Variants in IQGAP1 observed in about 807,000 individuals in gnomAD.
IQGAP1 encodes ras GTPase-activating-like protein IQGAP1.
Under a neutral mutation model 215.6 loss-of-function variants are expected in IQGAP1, and 66 were observed. That is an observed-to-expected ratio of 0.31 (90% confidence interval 0.25 to 0.38). The LOEUF (loss-of-function observed/expected upper bound fraction) is 0.38. IQGAP1 is among the 10% of genes least tolerant of loss of function. The pLI is 1.00. For missense variants in IQGAP1, 1,712 were observed against 1,997.1 expected, an observed-to-expected ratio of 0.86 and a Z score of 2.72; for synonymous variants, 772 against 728.7, an observed-to-expected ratio of 1.06 and a Z score of -0.96.
At position 90,474,152 on chromosome 15, in the gene IQGAP1, A is replaced by C; in HGVS notation, c.2575+19A>C. ...ACTCTCAGTGAGTAACTGGCTCCGC[A>C]TGAAGAGTTGAGGCAGTGGCTGGGA... On this transcript the variant is annotated intron_variant, in intron 22 of 37. Coordinates refer to ENST00000268182, the MANE Select transcript of IQGAP1 (RefSeq NM_003870.4). The C allele has an allele frequency of 6.3e-7, 1 of 1,598,210 alleles. No homozygotes were observed. The highest frequency in any genetic ancestry group is 8.5e-7 in the Non-Finnish European group (1 of 1,171,718).
Position 90,454,561 on chromosome 15 carries a change from T to C in IQGAP1, c.1612+9T>C. On this transcript the variant is annotated intron_variant, in intron 14 of 37. Coordinates refer to ENST00000268182, the MANE Select transcript of IQGAP1 (RefSeq NM_003870.4). ...GCAAGAGGAACATGAGAGTGAGTTATCTTCCTGTCCTCCCCAAATAATGTC... is the reference window on the plus strand; with the variant it reads ...GCAAGAGGAACATGAGAGTGAGTTACCTTCCTGTCCTCCCCAAATAATGTC... 1.3e-6 allele frequency: 2 copies of C among 1,548,714 alleles called. No homozygotes were observed. Among genetic ancestry groups the C allele is most frequent in the Admixed American group, 2.0e-5 (1 of 49,828 alleles).
rs1415787764 is a variant in IQGAP1, at chr15:90,501,541, TTAATG to T, written c.*1434_*1438del. On this transcript the variant is annotated 3_prime_UTR_variant, in exon 38 of 38. Transcript: ENST00000268182. ...ATGTACATTAAGCCAATAAACTGCT[TTAATG>T]AATAACAAACTATGTAGTGTGTCCC... The T allele has an allele frequency of 6.6e-6, 1 of 152,228 alleles. No homozygotes were observed. The highest frequency in any genetic ancestry group is 1.5e-5 in the Non-Finnish European group (1 of 68,048). The allele number at this position is 152,228 out of a possible 1,614,324, so 9.4% of individuals were successfully genotyped here.
intron 2 of IQGAP1, among the ~76,000 whole-genome samples, chr15:90,412,362 G>C (rs1300320202): frequency 6.6e-6 from 1 of 152,044 alleles, no homozygotes; most frequent in East Asian, 1.9e-4. Flanking sequence ...ACTTTCTTTA[G>C]TGTCTCCTCA....
Position 90,482,296 on chromosome 15 carries a change from G to T in IQGAP1, c.3555+15G>T, listed in dbSNP as rs771614612. 6.2e-6 allele frequency: 10 copies of T among 1,612,676 alleles called. No homozygotes were observed. Among genetic ancestry groups the T allele is most frequent in the Non-Finnish European group, 8.5e-6 (10 of 1,178,818 alleles). On this transcript the variant is annotated intron_variant, in intron 28 of 37. Coordinates refer to ENST00000268182, the MANE Select transcript of IQGAP1 (RefSeq NM_003870.4). ...AGCTGCTGAAGGTAAGAATCTCATA[G>T]CCGGCAGACTCCTGCCCTTTGAGGA...
At position 90,389,709 on chromosome 15, in the gene IQGAP1, C is replaced by T. The variant is rs567172584; in HGVS notation, c.56-1065C>T. 9.3e-5 allele frequency among the ~76,000 whole-genome samples: 14 copies of T among 151,342 alleles called. 1 individual carries two copies. Among genetic ancestry groups the T allele is most frequent in the African/African-American group, 3.4e-4 (14 of 41,232 alleles). ...GTGACTCCTGCGTGTAATCCCAGCA[C>T]TTTGGGAGTCCGAGGTGAGAGGATA... On this transcript the variant is annotated intron_variant, in intron 1 of 37. Transcript: ENST00000268182.
At chr15:90,458,395 G>A (rs1965716218) in intron 15 of IQGAP1, among the ~76,000 whole-genome samples, 1 of 152,114 alleles carries the variant, frequency 6.6e-6, no homozygotes, top group African/African-American at 2.4e-5. Flanking sequence ...AGCTATATAA[G>A]TTGTATCTTC....
chr15:90,401,354 A>G (rs1280451310), intron 2 of IQGAP1, among the ~76,000 whole-genome samples: 2 of 152,218 alleles, frequency 1.3e-5, no homozygotes, highest in South Asian at 2.1e-4. Flanking sequence ...AAATAGTTGT[A>G]TGTTGGGAAG....
At chr15:90,463,403 A>G (rs1965788850) in intron 15 of IQGAP1, among the ~76,000 whole-genome samples, 2 of 152,168 alleles carry the variant, frequency 1.3e-5, no homozygotes, top group Admixed American at 1.3e-4. Context: ...TTCTGTGGAA[A>G]TGCTTCTGTT....
intron 3 of IQGAP1, 70 bp downstream of exon 3, chr15:90,426,336 A>G (rs1010549099): frequency 1.1e-5 from 16 of 1,515,688 alleles, no homozygotes; most frequent in Non-Finnish European, 1.4e-5. Context: ...TATTTTGTGT[A>G]AGAGTTATTG....
At chr15:90,410,802 C>A (rs1964951519) in intron 2 of IQGAP1, among the ~76,000 whole-genome samples, 1 of 148,562 alleles carries the variant, frequency 6.7e-6, no homozygotes. Flanking sequence ...ATGTAACAAA[C>A]CTGCATGTTG....
intron 2 of IQGAP1, among the ~76,000 whole-genome samples, chr15:90,402,381 G>T (rs1426041732): frequency 6.6e-6 from 1 of 152,168 alleles, no homozygotes; most frequent in Non-Finnish European, 1.5e-5. Context: ...GTATTTTTGG[G>T]GTTGTGGGAG....
chr15:90,477,573 C>G (rs1055539432), intron 25 of IQGAP1, 92 bp from the exon 26 acceptor site: 2 of 924,538 alleles, frequency 2.2e-6, no homozygotes, highest in Admixed American at 2.0e-5. Context: ...TCGAGAGAAA[C>G]TGTTTCAGGG....
chr15:90,429,828 T>C, intron 4 of IQGAP1, 162 bp downstream of exon 4: 1 of 491,380 alleles, frequency 2.0e-6, no homozygotes, highest in Non-Finnish European at 3.6e-6. Flanking sequence ...ATAGTTTTGT[T>C]CTTTTTCTTT....
intron 1 of IQGAP1, among the ~76,000 whole-genome samples, chr15:90,389,292 T>C (rs1424746745): frequency 6.6e-6 from 1 of 151,694 alleles, no homozygotes; most frequent in Non-Finnish European, 1.5e-5. Context: ...CAGAGTAATG[T>C]AGGTAAGGAG....
chr15:90,404,467 G>A (rs777786464), intron 2 of IQGAP1, among the ~76,000 whole-genome samples: 1 of 151,964 alleles, frequency 6.6e-6, no homozygotes, highest in Non-Finnish European at 1.5e-5. Context: ...GAACTTTTTC[G>A]GTAGAATCCT....
Position 90,482,089 on chromosome 15 carries a change from G to A in IQGAP1, c.3459G>A (p.Val1153=), listed in dbSNP as rs770760854. The change falls in exon 27 of 38, where the codon GTG becomes GTA. Residue 1153 remains valine, a synonymous_variant. Transcript: ENST00000268182. ...DKFLSAIVSS[V]DKIPYGMRFI... is the part of the protein sequence containing the mutation. ...TTCTCTCAGCCATTGTCAGCTCTGT[G>A]GACAAAATCCCGTGAGTGCCATCAG... The A allele has an allele frequency of 6.2e-7, 1 of 1,614,220 alleles. No homozygotes were observed. Among genetic ancestry groups the A allele is most frequent in the Non-Finnish European group, 8.5e-7 (1 of 1,180,048 alleles).
intron 33 of IQGAP1, among the ~76,000 whole-genome samples, chr15:90,488,152 C>T (rs544808589): frequency 2.6e-5 from 4 of 152,018 alleles, no homozygotes; most frequent in Non-Finnish European, 4.4e-5. Context: ...ACCCAGGAGG[C>T]GGAGCCTGCA....
At chr15:90,495,731 A>G (rs1966263514) in intron 36 of IQGAP1, among the ~76,000 whole-genome samples, 1 of 147,272 alleles carries the variant, frequency 6.8e-6, no homozygotes, top group African/African-American at 2.5e-5. Flanking sequence ...TTGGCCTCCC[A>G]GGTTCAAGCA....
chr15:90,433,781 T>C lies in IQGAP1; in HGVS notation c.453T>C (p.Cys151=). Residue 151 remains cysteine (C), a synonymous_variant, in exon 5 of 38, where the codon TGT becomes TGC. Transcript: ENST00000268182. ...DRKNMPRCIY[C]IHALSLYLFK... is the part of the protein sequence containing the mutation. The stretch of plus-strand genomic sequence containing the variant: ...AGAACATGCCAAGATGTATCTACTG[T>C]ATCCATGCACTCAGGTAGTCAAATT... The C allele has an allele frequency of 6.2e-7, 1 of 1,601,136 alleles. No individual in the cohort carries two copies. The highest frequency in any genetic ancestry group is 8.5e-7 in the Non-Finnish European group (1 of 1,170,956).
Sources: gnomAD v4.1 joint callset for allele counts (sites outside exome capture counted in the v4.1 genomes callset) on GRCh38, gnomAD v4.1.1 for gene constraint, MANE v1.5 for transcripts, NCBI Gene and HGNC (gene_info 2026-07-23, HGNC 2026-07-21) for gene names.